Variants in CDH18 observed in about 807,000 individuals in gnomAD.
CDH18 encodes cadherin 18.
CDH18 carries 31 observed loss-of-function variants against 67.9 expected under a neutral mutation model. The observed-to-expected ratio is 0.46, with a 90% CI of 0.34 to 0.62. CDH18 has a LOEUF of 0.62. Ranked by LOEUF, CDH18 falls within the 20% of genes least tolerant of loss-of-function variation. CDH18 has a pLI of 0.01. For missense variants in CDH18, 890 were observed against 975.5 expected, an observed-to-expected ratio of 0.91 and a Z score of 1.17; for synonymous variants, 362 against 347.2, an observed-to-expected ratio of 1.04 and a Z score of -0.48.
chr5:20,431,228 C>A (rs928122143), intron 1 of CDH18, among the ~76,000 whole-genome samples: 13 of 152,008 alleles, frequency 8.6e-5, no homozygotes, highest in African/African-American at 3.1e-4. Flanking sequence ...CAGTAACTCA[C>A]CCCTGTAATC....
Position 20,056,383 on chromosome 5 carries a change from G to GT in CDH18, c.-517-64370dup, listed in dbSNP as rs1401458166. On this transcript the variant is annotated intron_variant, in intron 2 of 14. Transcript: ENST00000507958. ...TTTCACAATCAGGAATGGACAAGCT[G>GT]TTTTTTTTGTTTGTTTGTTTGTTTT... Among the ~76,000 whole-genome samples, 77 of 124,148 alleles carry GT rather than the reference G, an allele frequency of 6.2e-4. No individual in the cohort carries two copies. In the South Asian group the frequency reaches 0.014, roughly 23 times the overall value. The allele number at this position is 124,148 out of a possible 152,430, so 81.4% of individuals were successfully genotyped here.
In CDH18 at chr5:20,281,449, A is replaced by G. The variant is rs1209279789; in HGVS notation, c.-579-25944T>C. ...ATGGCTAGCCAGTTTTCCCAGCACC[A>G]TTTATTAAATAGGGAATCCTTTCCC... On this transcript the variant is annotated intron_variant, in intron 1 of 14. Coordinates refer to the CDH18 transcript ENST00000507958. 3.3e-5 allele frequency among the ~76,000 whole-genome samples: 5 copies of G among 152,232 alleles called. No individual in the cohort carries two copies. The East Asian group carries it at 9.7e-4, about 29-fold the overall frequency.
chr5:20,266,085 A>T (rs1252831852), intron 1 of CDH18, among the ~76,000 whole-genome samples: 1 of 152,150 alleles, frequency 6.6e-6, no homozygotes, highest in Non-Finnish European at 1.5e-5. Context: ...TTACACCATT[A>T]TCTCCCCTGG....
At chr5:20,178,505 A>G (rs1174491581) in intron 2 of CDH18, among the ~76,000 whole-genome samples, 1 of 151,522 alleles carries the variant, frequency 6.6e-6, no homozygotes, top group Non-Finnish European at 1.5e-5. Flanking sequence ...TAATTAAGAA[A>G]AAAAAAAACA....
intron 2 of CDH18, among the ~76,000 whole-genome samples, chr5:20,255,221 T>C (rs1744142991): frequency 6.6e-6 from 1 of 152,102 alleles, no homozygotes; most frequent in South Asian, 2.1e-4. Context: ...AACTTGCACA[T>C]GTACCCCCAT....
intron 2 of CDH18, among the ~76,000 whole-genome samples, chr5:20,086,084 G>A (rs1451425157): frequency 3.3e-5 from 5 of 152,146 alleles, no homozygotes; most frequent in South Asian, 2.1e-4. Context: ...AATTAAAAGC[G>A]CTACTCCATT....
At chr5:19,741,125 C>T (rs1353592511) in intron 4 of CDH18, among the ~76,000 whole-genome samples, 3 of 115,246 alleles carry the variant, frequency 2.6e-5, no homozygotes, top group Non-Finnish European at 5.8e-5. Context: ...TATATGTATA[C>T]ATGTAAATAT....
chr5:20,116,248 C>T (rs1382553287), intron 2 of CDH18, among the ~76,000 whole-genome samples: 2 of 151,984 alleles, frequency 1.3e-5, no homozygotes, highest in Non-Finnish European at 2.9e-5. Flanking sequence ...GTCCTCATCT[C>T]CCAGCTTTTC....
chr5:19,556,053 C>T (rs1038982761), intron 8 of CDH18, among the ~76,000 whole-genome samples: 7 of 152,136 alleles, frequency 4.6e-5, no homozygotes, highest in African/African-American at 1.7e-4. Flanking sequence ...TCTCAGGCAG[C>T]CCCATCCCTA....
At chr5:20,040,488 G>C (rs150579902) in intron 2 of CDH18, among the ~76,000 whole-genome samples, 1 of 152,020 alleles carries the variant, frequency 6.6e-6, no homozygotes, top group Non-Finnish European at 1.5e-5. Flanking sequence ...GATGTGTAAC[G>C]TTTTGAAATA....
intron 3 of CDH18, among the ~76,000 whole-genome samples, chr5:19,761,771 C>G (rs1439721356): frequency 6.6e-6 from 1 of 152,120 alleles, no homozygotes; most frequent in Non-Finnish European, 1.5e-5. Context: ...CAAAAAAGAG[C>G]CCACATTGCC....
At chr5:19,854,871 C>T (rs1784091372) in intron 2 of CDH18, among the ~76,000 whole-genome samples, 1 of 149,110 alleles carries the variant, frequency 6.7e-6, no homozygotes, top group African/African-American at 2.5e-5. Flanking sequence ...CCCCCTTTAT[C>T]CCCCTCCCCC....
chr5:20,408,196 G>T (rs112215993), intron 1 of CDH18, among the ~76,000 whole-genome samples: 2 of 151,684 alleles, frequency 1.3e-5, no homozygotes, highest in Non-Finnish European at 2.9e-5. Context: ...GACTTTCCCC[G>T]GTAAATAAAA....
At chr5:19,892,773 C>T (rs1047259857) in intron 2 of CDH18, among the ~76,000 whole-genome samples, 1 of 152,046 alleles carries the variant, frequency 6.6e-6, no homozygotes, top group Admixed American at 6.6e-5. Context: ...ATTTTCTAGG[C>T]CCAGTCAAGA....
At chr5:20,282,268 A>C (rs1340690298) in intron 1 of CDH18, among the ~76,000 whole-genome samples, 1 of 152,112 alleles carries the variant, frequency 6.6e-6, no homozygotes. Flanking sequence ...GGAGTGGTGA[A>C]AGAGGGCATC....
In CDH18 at chr5:19,559,462, A is replaced by C. The variant is rs76070171; in HGVS notation, c.1253+12117T>G. Among the ~76,000 whole-genome samples, 224 of 152,160 alleles carry C rather than the reference A, an allele frequency of 1.5e-3. 2 individuals are homozygous for C. Among genetic ancestry groups the C allele is most frequent in the African/African-American group, 5.1e-3 (210 of 41,560 alleles). ...CAATAGATGCAGTAAAAGCTTTTGA[A>C]CAAAATCCAGCATCCTTTTATGGTT... On this transcript the variant is annotated intron_variant, in intron 8 of 12. Transcript: ENST00000382275.
intron 1 of CDH18, among the ~76,000 whole-genome samples, chr5:20,300,293 T>TGTGTGTGC (rs1491138256): frequency 2.5e-4 from 25 of 98,040 alleles, no homozygotes; most frequent in Non-Finnish European, 3.5e-4. Context: ...TAGATTAAGT[T>TGTGTGTGC]GTGTGTGTGC....
At position 20,360,049 on chromosome 5, in the gene CDH18, T is replaced by C. The variant is rs559134989; in HGVS notation, c.-579-104544A>G. On this transcript the variant is annotated intron_variant, in intron 1 of 14. Transcript: ENST00000507958. ...TAACAAACTTGGATTAGTGACATTT[T>C]ATATATATATACTTATATTATTGTA... Among the ~76,000 whole-genome samples, 162 of 136,610 alleles carry C rather than the reference T, an allele frequency of 1.2e-3. 1 individual carries two copies. Among genetic ancestry groups the C allele is most frequent in the African/African-American group, 4.9e-3 (160 of 32,804 alleles). 89.6% of individuals were successfully genotyped at this position (136,610 alleles called of 152,430 possible).
chr5:20,570,469 T>C (rs1436311620), intron 1 of CDH18, among the ~76,000 whole-genome samples: 1 of 152,206 alleles, frequency 6.6e-6, no homozygotes, highest in Non-Finnish European at 1.5e-5. Flanking sequence ...ATTTTATTTC[T>C]GCCAAGGATG....
Sources: allele counts gnomAD v4.1 joint callset (sites outside exome capture counted in the v4.1 genomes callset), GRCh38; gene constraint gnomAD v4.1.1; transcripts MANE v1.5; gene names NCBI Gene and HGNC (gene_info 2026-07-23, HGNC 2026-07-21).